MPHOSPH9: variants seen among roughly 807,000 people sequenced by gnomAD.
The protein encoded by MPHOSPH9 is M-phase phosphoprotein 9.
In MPHOSPH9, 88 loss-of-function variants were observed where a neutral mutation model predicts 145.5. That is an observed-to-expected ratio of 0.60 (90% CI 0.51 to 0.72). MPHOSPH9 has a LOEUF of 0.72. Ranked by LOEUF, MPHOSPH9 falls within the 30% of genes least tolerant of loss-of-function variation. MPHOSPH9 has a pLI of 0.00. For synonymous variants in MPHOSPH9, 435 were observed against 486.2 expected (o/e 0.89, Z 1.39); for missense variants, 1,238 against 1,386.6 (o/e 0.89, Z 1.70).
rs1459407861 is a variant in MPHOSPH9 at position 123,198,594 on chromosome 12, G to A, written c.1938-260C>T. Among the ~76,000 whole-genome samples, 5 of 152,008 alleles carry A rather than the reference G, an allele frequency of 3.3e-5. No homozygotes were observed. In the South Asian group the frequency reaches 6.2e-4, roughly 19 times the overall value. On this transcript the variant is annotated intron_variant, in intron 11 of 23. Transcript: ENST00000606320. ...GGAGGCTGAGGCAGGCAGATCACTTGAGGCCAGGAGTTCAAGATCAGCCTG... is the reference window on the plus strand; with the variant it reads ...GGAGGCTGAGGCAGGCAGATCACTTAAGGCCAGGAGTTCAAGATCAGCCTG...
chr12:123,162,845 T>C lies in MPHOSPH9; in HGVS notation c.3029+169A>G, dbSNP rs994267214. ...TTTACATAGTTAAAAACTGTGTTCA[T>C]TGTACTGCAGTACTTTAGTTGTAGT... On this transcript the variant is annotated intron_variant, in intron 20 of 23. Coordinates refer to ENST00000606320, the MANE Select transcript of MPHOSPH9 (RefSeq NM_022782.4). 37 of 578,634 alleles carry C rather than the reference T, an allele frequency of 6.4e-5. No homozygotes were observed. In the South Asian group the frequency reaches 9.8e-4, roughly 15 times the overall value. The allele number at this position is 578,634 out of a possible 1,614,324, so 35.8% of individuals were successfully genotyped here.
At chr12:123,198,537 C>T (rs2046075050) in intron 11 of MPHOSPH9, among the ~76,000 whole-genome samples, 1 of 152,050 alleles carries the variant, frequency 6.6e-6, no homozygotes, top group Non-Finnish European at 1.5e-5. Context: ...TGGCCAGGCA[C>T]AGTGGCTCAC....
At chr12:123,198,786 A>T (rs1249574220) in intron 11 of MPHOSPH9, among the ~76,000 whole-genome samples, 1 of 125,162 alleles carries the variant, frequency 8.0e-6, no homozygotes, top group African/African-American at 2.9e-5. Flanking sequence ...CTCCAGCCTG[A>T]GTGACAGAGT....
chr12:123,234,408 G>A (rs895594084), upstream of MPHOSPH9, among the ~76,000 whole-genome samples: 1 of 150,424 alleles, frequency 6.6e-6, no homozygotes, highest in Non-Finnish European at 1.5e-5. Flanking sequence ...GGGGAGGGGG[G>A]TAGGGGGGAC....
At chr12:123,221,297 T>C (rs1414619480) in intron 5 of MPHOSPH9, 75 bp downstream of exon 5, 2 of 1,163,542 alleles carry the variant, frequency 1.7e-6, no homozygotes, top group Non-Finnish European at 2.4e-6. Context: ...CATCTCATTC[T>C]ATTATAGTGC....
Position 123,160,861 on chromosome 12 carries a change from C to A in MPHOSPH9, c.3382-12G>T. ...AGTGCTGCCTCAATCTGTTAACACA[C>A]GAAAAAAATATGTTTAAATTACTGG... is the stretch of plus-strand genomic sequence containing the variant. On this transcript the variant is annotated splice_polypyrimidine_tract_variant and intron_variant, in intron 22 of 23. Coordinates refer to ENST00000606320, the MANE Select transcript of MPHOSPH9 (RefSeq NM_022782.4). 1 of 1,611,282 alleles carries A rather than the reference C, an allele frequency of 6.2e-7. No homozygotes were observed. Among genetic ancestry groups the A allele is most frequent in the Non-Finnish European group, 8.5e-7 (1 of 1,179,020 alleles).
intron 15 of MPHOSPH9, among the ~76,000 whole-genome samples, chr12:123,178,528 T>G (rs2044982919): frequency 6.6e-6 from 1 of 152,092 alleles, no homozygotes; most frequent in East Asian, 1.9e-4. Flanking sequence ...CTATCTTTCA[T>G]TTTTTTGGTG....
Position 123,156,768 on chromosome 12 carries a change from T to A in MPHOSPH9, c.*39A>T. ...TTCTGACTGCATAATTATACATTAG[T>A]GCAAACAAAAATGTCTCAAAATTTA... On this transcript the variant is annotated 3_prime_UTR_variant, in exon 24 of 24. Coordinates refer to ENST00000606320, the MANE Select transcript of MPHOSPH9 (RefSeq NM_022782.4). 1 of 1,556,444 alleles carries A rather than the reference T, an allele frequency of 6.4e-7. No homozygotes were observed. The highest frequency in any genetic ancestry group is 8.8e-7 in the Non-Finnish European group (1 of 1,131,892).
intron 19 of MPHOSPH9, 117 bp from the exon 20 acceptor site, chr12:123,163,251 T>C (rs2044182013): frequency 5.3e-6 from 6 of 1,141,384 alleles, no homozygotes; most frequent in East Asian, 5.8e-5. Context: ...ACGTAAAACT[T>C]TGAGAGAGAA....
chr12:123,212,673 C>T lies in MPHOSPH9; in HGVS notation c.1087+2071G>A, dbSNP rs556265868. 2.6e-4 allele frequency among the ~76,000 whole-genome samples: 35 copies of T among 137,052 alleles called. No individual in the cohort carries two copies. In the South Asian group the frequency reaches 8.4e-3, roughly 33 times the overall value. The allele number at this position is 137,052 out of a possible 152,430, so 89.9% of individuals were successfully genotyped here. ...TTACAGTAAGCCGAGATCACACCAT[C>T]GCACTCCAGCCTGGGCAACAAGAGC... On this transcript the variant is annotated intron_variant, in intron 7 of 23. Coordinates refer to ENST00000606320, the MANE Select transcript of MPHOSPH9 (RefSeq NM_022782.4).
intron 1 of MPHOSPH9, among the ~76,000 whole-genome samples, chr12:123,232,359 C>T (rs2047685404): frequency 6.6e-6 from 1 of 151,986 alleles, no homozygotes; most frequent in African/African-American, 2.4e-5. Context: ...TCCTTAAACA[C>T]CCACAAATAC....
upstream of MPHOSPH9, among the ~76,000 whole-genome samples, chr12:123,234,822 G>A (rs2047814666): frequency 6.6e-6 from 1 of 152,156 alleles, no homozygotes; most frequent in African/African-American, 2.4e-5. Context: ...TTATCTTTCA[G>A]TGTGAACCTG....
At position 123,210,177 on chromosome 12, in the gene MPHOSPH9, C is replaced by T. The variant is rs2682434; in HGVS notation, c.1088-15G>A. On this transcript the variant is annotated splice_polypyrimidine_tract_variant and intron_variant, in intron 7 of 23. Transcript: ENST00000606320. ...GTAAGTCAATCCTGATGTGCACAAA[C>T]ACACAGAATAGAAAAGAGTGAGAAA... 1,141,271 of 1,495,252 alleles carry T rather than the reference C, an allele frequency of 0.76. 447,078 individuals are homozygous for T. Among genetic ancestry groups the T allele is most frequent in the East Asian group, 1 (41,672 of 41,714 alleles). The allele number at this position is 1,495,252 out of a possible 1,614,324, so 92.6% of individuals were successfully genotyped here.
intron 13 of MPHOSPH9, among the ~76,000 whole-genome samples, chr12:123,184,466 A>AGG (rs1565921691): frequency 6.6e-6 from 1 of 151,338 alleles, no homozygotes; most frequent in African/African-American, 2.4e-5. Flanking sequence ...AGAGTCTTTC[A>AGG]ATAGCTTTTT....
chr12:123,221,300 T>C (rs2047191512), intron 5 of MPHOSPH9, 72 bp downstream of exon 5: 1 of 1,177,740 alleles, frequency 8.5e-7, no homozygotes. Flanking sequence ...CTCATTCTAT[T>C]ATAGTGCATT....
At chr12:123,184,692 G>T (rs2045358792) in intron 13 of MPHOSPH9, among the ~76,000 whole-genome samples, 1 of 151,936 alleles carries the variant, frequency 6.6e-6, no homozygotes, top group South Asian at 2.1e-4. Context: ...TAGAGACGGG[G>T]TTTCACCATG....
chr12:123,217,875 C>T (rs1433276211), intron 6 of MPHOSPH9, among the ~76,000 whole-genome samples: 1 of 151,942 alleles, frequency 6.6e-6, no homozygotes, highest in East Asian at 1.9e-4. Context: ...GAAACCCTGT[C>T]TCTACTAAAA....
At chr12:123,175,252 A>C (rs368185297) in intron 16 of MPHOSPH9, among the ~76,000 whole-genome samples, 1 of 151,048 alleles carries the variant, frequency 6.6e-6, no homozygotes, top group Non-Finnish European at 1.5e-5. Flanking sequence ...CCGGGTTCAC[A>C]CCATTCTCCT....
chr12:123,205,582 T>C (rs1010570186), intron 8 of MPHOSPH9, among the ~76,000 whole-genome samples: 1 of 152,006 alleles, frequency 6.6e-6, no homozygotes, highest in African/African-American at 2.4e-5. Flanking sequence ...ATAATCCTGC[T>C]GTAGAATTCA....
Sources: allele counts gnomAD v4.1 joint callset (sites outside exome capture counted in the v4.1 genomes callset), GRCh38; gene constraint gnomAD v4.1.1; transcripts MANE v1.5; gene names NCBI Gene and HGNC (gene_info 2026-07-23, HGNC 2026-07-21).